Variants in SPAG16 observed in about 807,000 individuals in gnomAD.
SPAG16 encodes sperm-associated antigen 16 protein.
Under a neutral mutation model 80.4 loss-of-function variants are expected in SPAG16, and 86 were observed. The observed-to-expected ratio is 1.07, with a 90% CI of 0.90 to 1.28. The LOEUF (loss-of-function observed/expected upper bound fraction) is 1.28. Among genes scored for constraint, SPAG16 ranks in the 50% most tolerant of loss-of-function variants. The pLI is 0.00. For missense variants in SPAG16, 870 were observed against 765.3 expected, an observed-to-expected ratio of 1.14 and a Z score of -1.61; for synonymous variants, 294 against 265.9, an observed-to-expected ratio of 1.11 and a Z score of -1.03.
Position 213,284,506 on chromosome 2 carries a change from C to A in SPAG16, c.23C>A (p.Pro8His). ...GAGATGGCTGCTCAGCGAGGGATGCCCAGCTCCGCCGTGAGGGTCCTGGAA... is the reference window on the plus strand; with the variant it reads ...GAGATGGCTGCTCAGCGAGGGATGCACAGCTCCGCCGTGAGGGTCCTGGAA... MAAQRGMPSSAVRVLEEA... is the reference protein window; with the variant it reads MAAQRGMHSSAVRVLEEA... The change falls in exon 1 of 16, where the codon CCC becomes CAC. Residue 8 changes from proline to histidine, a missense_variant. Pro to His is a moderately conservative substitution (Grantham distance 77). Coordinates refer to ENST00000331683, the MANE Select transcript of SPAG16 (RefSeq NM_024532.5). The A allele has an allele frequency of 6.3e-7, 1 of 1,577,004 alleles. No homozygotes were observed. Among genetic ancestry groups the A allele is most frequent in the Non-Finnish European group, 8.6e-7 (1 of 1,161,692 alleles).
intron 10 of SPAG16, among the ~76,000 whole-genome samples, chr2:213,776,678 T>A (rs575181163): frequency 9.2e-5 from 14 of 152,260 alleles, no homozygotes; most frequent in African/African-American, 3.1e-4. Flanking sequence ...AGGTTAGTTT[T>A]ATAAGAAATA....
intron 10 of SPAG16, among the ~76,000 whole-genome samples, chr2:213,658,020 G>A (rs568614689): frequency 1.7e-4 from 26 of 152,206 alleles, no homozygotes; most frequent in Admixed American, 1.4e-3. Flanking sequence ...AGAATGGGAA[G>A]CTTAAATTTT....
intron 15 of SPAG16, among the ~76,000 whole-genome samples, chr2:214,373,808 T>C (rs547109217): frequency 1.3e-5 from 2 of 152,328 alleles, no homozygotes; most frequent in East Asian, 3.9e-4. Flanking sequence ...TTTCAGATTT[T>C]ACTTTCTCAT....
intron 10 of SPAG16, among the ~76,000 whole-genome samples, chr2:213,759,802 C>T (rs909488240): frequency 2.0e-5 from 3 of 152,182 alleles, no homozygotes; most frequent in Admixed American, 1.3e-4. Flanking sequence ...TTTGGGAGGC[C>T]GAGGTGGGTG....
intron 13 of SPAG16, among the ~76,000 whole-genome samples, chr2:214,021,899 C>T (rs1331088537): frequency 6.6e-6 from 1 of 152,006 alleles, no homozygotes; most frequent in Non-Finnish European, 1.5e-5. Flanking sequence ...CATGATCTTT[C>T]CTCTGAAAAA....
chr2:213,515,380 A>G (rs1034157995), intron 10 of SPAG16, among the ~76,000 whole-genome samples: 3 of 152,142 alleles, frequency 2.0e-5, no homozygotes, highest in Non-Finnish European at 4.4e-5. Context: ...ACCTAAGGAT[A>G]AAAACCAAAG....
chr2:213,388,084 G>A (rs529078002), intron 9 of SPAG16, among the ~76,000 whole-genome samples: 1 of 152,132 alleles, frequency 6.6e-6, no homozygotes, highest in Non-Finnish European at 1.5e-5. Flanking sequence ...GTTAAGTTGG[G>A]TCAATTTCAA....
intron 10 of SPAG16, among the ~76,000 whole-genome samples, chr2:213,692,680 G>C (rs562744503): frequency 4.3e-4 from 65 of 152,032 alleles, no homozygotes; most frequent in African/African-American, 1.5e-3. Flanking sequence ...CATGGTGGCG[G>C]GTGCCTGTAG....
At chr2:214,044,513 C>A (rs148878841) in intron 13 of SPAG16, among the ~76,000 whole-genome samples, 1 of 152,228 alleles carries the variant, frequency 6.6e-6, no homozygotes, top group African/African-American at 2.4e-5. Context: ...TCCATCATCC[C>A]ACCCACAAGA....
At chr2:214,290,425 T>C (rs1461009615) in intron 15 of SPAG16, among the ~76,000 whole-genome samples, 3 of 152,168 alleles carry the variant, frequency 2.0e-5, no homozygotes, top group African/African-American at 4.8e-5. Flanking sequence ...ATTTTGGATT[T>C]GACTTACCCT....
At chr2:214,284,944 A>G (rs1351613317) in intron 15 of SPAG16, among the ~76,000 whole-genome samples, 1 of 152,202 alleles carries the variant, frequency 6.6e-6, no homozygotes, top group Non-Finnish European at 1.5e-5. Flanking sequence ...CAACAGATGT[A>G]CAAATGTATC....
chr2:214,173,224 G>A (rs2056945432), intron 15 of SPAG16, among the ~76,000 whole-genome samples: 1 of 152,034 alleles, frequency 6.6e-6, no homozygotes, highest in Admixed American at 6.6e-5. Flanking sequence ...GGTTTTTATG[G>A]TTTTAGGTCT....
At chr2:213,916,563 G>T (rs2077981262) in intron 11 of SPAG16, among the ~76,000 whole-genome samples, 1 of 152,052 alleles carries the variant, frequency 6.6e-6, no homozygotes, top group African/African-American at 2.4e-5. Context: ...CTCCAGCTTT[G>T]AAATTCCCTT....
chr2:214,274,987 G>A (rs905991817), intron 15 of SPAG16, among the ~76,000 whole-genome samples: 5 of 151,998 alleles, frequency 3.3e-5, no homozygotes, highest in Non-Finnish European at 7.4e-5. Context: ...TGTGATTGGT[G>A]TATTCAGAGA....
intron 10 of SPAG16, among the ~76,000 whole-genome samples, chr2:213,622,357 C>T (rs566824186): frequency 2.0e-5 from 3 of 152,332 alleles, no homozygotes; most frequent in East Asian, 1.9e-4. Context: ...TGAACCCCCT[C>T]ATTCATCATG....
Position 214,235,400 on chromosome 2 carries a change from A to G in SPAG16, c.1720+86134A>G, listed in dbSNP as rs141254508. Among the ~76,000 whole-genome samples, 57 of 152,248 alleles carry G rather than the reference A, an allele frequency of 3.7e-4. 2 individuals are homozygous for G. In the East Asian group the frequency reaches 0.011, roughly 29 times the overall value. On this transcript the variant is annotated intron_variant, in intron 15 of 15. Coordinates refer to ENST00000331683, the MANE Select transcript of SPAG16 (RefSeq NM_024532.5). The stretch of plus-strand genomic sequence containing the variant: ...TTACTCCTGAAATAAATATTATACC[A>G]TATTTATTGGTATGATATTTAATAG...
chr2:214,008,706 C>CTCCAGCCTGGGCAAGATCG (rs2047146542), intron 12 of SPAG16, among the ~76,000 whole-genome samples: 1 of 150,532 alleles, frequency 6.6e-6, no homozygotes, highest in Non-Finnish European at 1.5e-5. Flanking sequence ...GATCGTGCCA[C>CTCCAGCCTGGGCAAGATCG]TGCACTCCAG....
chr2:213,538,109 T>G (rs1303476013), intron 10 of SPAG16, among the ~76,000 whole-genome samples: 1 of 152,236 alleles, frequency 6.6e-6, no homozygotes, highest in African/African-American at 2.4e-5. Context: ...GCTATGATAG[T>G]GAAAATGTTC....
intron 10 of SPAG16, among the ~76,000 whole-genome samples, chr2:213,753,112 A>G (rs2068156348): frequency 6.6e-6 from 1 of 152,172 alleles, no homozygotes; most frequent in South Asian, 2.1e-4. Context: ...TCCCAGGTTC[A>G]TGCCATTCTC....
Sources: allele counts gnomAD v4.1 joint callset (sites outside exome capture counted in the v4.1 genomes callset), GRCh38; gene constraint gnomAD v4.1.1; transcripts MANE v1.5; gene names NCBI Gene and HGNC (gene_info 2026-07-23, HGNC 2026-07-21).